The following SLC41A2 variants were observed in gnomAD, a reference collection of about 807,000 sequenced individuals.
SLC41A2 encodes SLC41A1-like 1.
Under a neutral mutation model 58.3 loss-of-function variants are expected in SLC41A2, and 32 were observed. The ratio of observed to expected loss-of-function variants is 0.55; its 90% CI spans 0.41 to 0.74. SLC41A2 has a LOEUF of 0.74. Among genes scored for constraint, SLC41A2 ranks in the 30% least tolerant of loss-of-function variants. The pLI is 0.00. For missense variants in SLC41A2, 514 were observed against 680.6 expected, an observed-to-expected ratio of 0.76 and a Z score of 2.72; for synonymous variants, 190 against 235.0, an observed-to-expected ratio of 0.81 and a Z score of 1.75.
At chr12:104,901,402 G>T (rs201789406) in intron 3 of SLC41A2, among the ~76,000 whole-genome samples, 4 of 151,846 alleles carry the variant, frequency 2.6e-5, no homozygotes, top group East Asian at 1.9e-4. Context: ...CTATTGAAAA[G>T]ATTAAAATCC....
At chr12:104,846,927 C>G (rs1450348984) in intron 8 of SLC41A2, among the ~76,000 whole-genome samples, 1 of 152,164 alleles carries the variant, frequency 6.6e-6, no homozygotes, top group Non-Finnish European at 1.5e-5. Flanking sequence ...ATATTTATCT[C>G]AGTCTCCAAT....
intron 5 of SLC41A2, among the ~76,000 whole-genome samples, chr12:104,888,494 G>T (rs1160614461): frequency 6.6e-6 from 1 of 151,990 alleles, no homozygotes; most frequent in Non-Finnish European, 1.5e-5. Flanking sequence ...CCAAATAAAA[G>T]TTCTAAAGTA....
At chr12:104,820,963 T>C (rs2041611719) in intron 10 of SLC41A2, among the ~76,000 whole-genome samples, 1 of 152,228 alleles carries the variant, frequency 6.6e-6, no homozygotes, top group African/African-American at 2.4e-5. Context: ...GGAATTTCTA[T>C]ATCACTCTTG....
intron 2 of SLC41A2, among the ~76,000 whole-genome samples, chr12:104,920,356 G>C (rs1565902000): frequency 6.6e-6 from 1 of 151,880 alleles, no homozygotes; most frequent in Admixed American, 6.6e-5. Context: ...AGGGAATTCT[G>C]TTAAACATTC....
intron 7 of SLC41A2, 151 bp from the exon 8 acceptor site, chr12:104,861,521 AT>A (rs1417303953): frequency 1.8e-6 from 1 of 568,552 alleles, no homozygotes; most frequent in Non-Finnish European, 3.1e-6. Context: ...GTAAAAATCA[AT>A]GTCAACAGTA....
intron 8 of SLC41A2, among the ~76,000 whole-genome samples, chr12:104,853,219 A>G (rs1429378446): frequency 6.6e-6 from 1 of 152,252 alleles, no homozygotes; most frequent in Non-Finnish European, 1.5e-5. Context: ...GTAAATGTTT[A>G]GCACTAACGT....
In SLC41A2 at chr12:104,817,848, T is replaced by G. The variant is rs78253197; in HGVS notation, c.1537-12511A>C. 8.8e-3 allele frequency among the ~76,000 whole-genome samples: 1,338 copies of G among 151,818 alleles called. 40 individuals are homozygous for G. In the East Asian group the frequency reaches 0.12, roughly 14 times the overall value. ...ACACTAGGACGGTACAGCCACGACA[T>G]CACTAGGTGACAGGAATTTTTCAGC... On this transcript the variant is annotated intron_variant, in intron 10 of 10. Transcript: ENST00000258538.
At chr12:104,849,309 T>C (rs746897005) in intron 8 of SLC41A2, among the ~76,000 whole-genome samples, 2 of 152,218 alleles carry the variant, frequency 1.3e-5, no homozygotes, top group African/African-American at 2.4e-5. Context: ...AAAGGACTAC[T>C]ATCCAGAATA....
chr12:104,944,471 C>T (rs75016895), intron 1 of SLC41A2, among the ~76,000 whole-genome samples: 34 of 152,342 alleles, frequency 2.2e-4, no homozygotes, highest in Middle Eastern at 3.4e-3. Context: ...ATTGAGATTA[C>T]GTAAATCACA....
At chr12:104,828,265 G>A (rs2041919010) in intron 10 of SLC41A2, among the ~76,000 whole-genome samples, 1 of 152,192 alleles carries the variant, frequency 6.6e-6, no homozygotes, top group African/African-American at 2.4e-5. Flanking sequence ...CCAGGCTGCT[G>A]AGTGGCCGGC....
chr12:104,951,315 T>C (rs2047944512), intron 1 of SLC41A2, among the ~76,000 whole-genome samples: 2 of 152,194 alleles, frequency 1.3e-5, no homozygotes, highest in Non-Finnish European at 2.9e-5. Flanking sequence ...CTCTGTGGAA[T>C]ATAAAAAGAT....
chr12:104,916,164 C>T (rs1411254568), intron 2 of SLC41A2, among the ~76,000 whole-genome samples: 3 of 151,996 alleles, frequency 2.0e-5, no homozygotes, highest in African/African-American at 2.4e-5. Context: ...CTGCTGGATT[C>T]GGTTTGCCAG....
intron 10 of SLC41A2, among the ~76,000 whole-genome samples, chr12:104,822,125 G>C (rs2136241549): frequency 6.6e-6 from 1 of 151,764 alleles, no homozygotes; most frequent in East Asian, 1.9e-4. Flanking sequence ...TTTCTAACAA[G>C]AAGAAGGAAA....
intron 6 of SLC41A2, among the ~76,000 whole-genome samples, chr12:104,880,248 A>T (rs2044291764): frequency 6.6e-6 from 1 of 152,178 alleles, no homozygotes; most frequent in Non-Finnish European, 1.5e-5. Context: ...ATGCGCAATC[A>T]TGCCCTCTGC....
rs74813814 is a variant in SLC41A2, at chr12:104,868,812, A to G, written c.1028-2233T>C. Reference sequence around the variant, plus strand: ...AATTGGATGTTACTCTGCACTTCATATGATTCAAAAATGATGCATGTGACA... The same window carrying G: ...AATTGGATGTTACTCTGCACTTCATGTGATTCAAAAATGATGCATGTGACA... On this transcript the variant is annotated intron_variant, in intron 6 of 10. Transcript: ENST00000258538. Among the ~76,000 whole-genome samples, 519 of 152,324 alleles carry G rather than the reference A, an allele frequency of 3.4e-3. 2 individuals carry two copies. Among genetic ancestry groups the G allele is most frequent in the African/African-American group, 0.012 (482 of 41,572 alleles).
At position 104,912,677 on chromosome 12, in the gene SLC41A2, A is replaced by T. The variant is rs77960190; in HGVS notation, c.556-2915T>A. ...TGAGTTCTGTGAGCAGCTTCAGCAG[A>T]CCAATCAAGCCCGAAGAGGAGATCA... On this transcript the variant is annotated intron_variant, in intron 2 of 10. Transcript: ENST00000258538. Among the ~76,000 whole-genome samples, 1,282 of 152,306 alleles carry T rather than the reference A, an allele frequency of 8.4e-3. 37 individuals are homozygous for T. In the East Asian group the frequency reaches 0.11, roughly 14 times the overall value.
chr12:104,876,210 G>A (rs1253634978), intron 6 of SLC41A2, among the ~76,000 whole-genome samples: 1 of 151,782 alleles, frequency 6.6e-6, no homozygotes, highest in Non-Finnish European at 1.5e-5. Context: ...TGTTAGAAGA[G>A]CCAACTAAGT....
intron 8 of SLC41A2, among the ~76,000 whole-genome samples, chr12:104,851,344 G>A (rs1265117836): frequency 1.3e-5 from 2 of 151,986 alleles, no homozygotes; most frequent in African/African-American, 4.8e-5. Context: ...ATATGAAAGA[G>A]AATAAATCAT....
At chr12:104,874,727 T>G (rs1371693183) in intron 6 of SLC41A2, among the ~76,000 whole-genome samples, 1 of 152,228 alleles carries the variant, frequency 6.6e-6, no homozygotes, top group Non-Finnish European at 1.5e-5. Flanking sequence ...ATGCCAGTAC[T>G]ATACTGCTTT....
Sources: gnomAD v4.1 joint callset for allele counts (sites outside exome capture counted in the v4.1 genomes callset) on GRCh38, gnomAD v4.1.1 for gene constraint, MANE v1.5 for transcripts, NCBI Gene and HGNC (gene_info 2026-07-23, HGNC 2026-07-21) for gene names.